The following WDR64 variants were observed in gnomAD, a reference collection of about 807,000 sequenced individuals.
The protein encoded by WDR64 is WD repeat domain 64.
Under a neutral mutation model 139.3 loss-of-function variants are expected in WDR64, and 112 were observed. That is an observed-to-expected ratio of 0.80 (90% CI 0.69 to 0.94). WDR64 has a LOEUF of 0.94. WDR64 is among the 40% of genes least tolerant of loss of function. The pLI, the probability that WDR64 is intolerant of heterozygous loss-of-function variation, is 0.00. For missense variants in WDR64, 1,206 were observed against 1,293.1 expected, an observed-to-expected ratio of 0.93 and a Z score of 1.03; for synonymous variants, 444 against 437.7, an observed-to-expected ratio of 1.01 and a Z score of -0.18.
chr1:241,787,312 C>T (rs1366157575), intron 23 of WDR64, among the ~76,000 whole-genome samples: 5 of 142,006 alleles, frequency 3.5e-5, no homozygotes, highest in Non-Finnish European at 6.0e-5. Context: ...TGCAGTGAGC[C>T]GAGATGGCAC....
At chr1:241,730,217 G>C (rs115433697) in intron 10 of WDR64, among the ~76,000 whole-genome samples, 1 of 152,150 alleles carries the variant, frequency 6.6e-6, no homozygotes, top group Non-Finnish European at 1.5e-5. Flanking sequence ...CATCACCCAG[G>C]ACAGCTCCTT....
rs79583349 is a variant in WDR64, at chr1:241,738,009, T to C, written c.1195-354T>C. 5.8e-3 allele frequency among the ~76,000 whole-genome samples: 876 copies of C among 152,282 alleles called. 6 individuals are homozygous for C. The highest frequency in any genetic ancestry group is 0.02 in the African/African-American group (840 of 41,556). On this transcript the variant is annotated intron_variant, in intron 10 of 27. Transcript: ENST00000437684. ...CTTCTCCCTATTTTCTCATCCATAA[T>C]ACAAAGAGAAATGTGACTTTAATTC...
At chr1:241,707,428 A>T (rs1014297193) in intron 8 of WDR64, among the ~76,000 whole-genome samples, 5 of 152,072 alleles carry the variant, frequency 3.3e-5, no homozygotes, top group Non-Finnish European at 7.4e-5. Context: ...TGAAAAACTA[A>T]TTTTTTTAGC....
At chr1:241,791,406 C>G (rs1659211435) in intron 25 of WDR64, among the ~76,000 whole-genome samples, 1 of 152,166 alleles carries the variant, frequency 6.6e-6, no homozygotes, top group South Asian at 2.1e-4. Flanking sequence ...GGCACAGTGG[C>G]CTGTAAACCC....
intron 6 of WDR64, 29 bp from the exon 7 acceptor site, chr1:241,683,458 A>T (rs769663899): frequency 1.3e-6 from 2 of 1,545,578 alleles, no homozygotes; most frequent in South Asian, 2.4e-5. Context: ...CAAAGTAATA[A>T]TTCATTAAAG....
chr1:241,680,982 T>C (rs1054464433), intron 6 of WDR64, among the ~76,000 whole-genome samples: 6 of 152,174 alleles, frequency 3.9e-5, no homozygotes, highest in Admixed American at 1.3e-4. Context: ...CAGATTTAAC[T>C]GGAAACCACA....
intron 13 of WDR64, 75 bp downstream of exon 13, chr1:241,744,591 T>G: frequency 6.3e-7 from 1 of 1,588,590 alleles, no homozygotes; most frequent in Non-Finnish European, 8.6e-7. Context: ...CTTTCGTTCT[T>G]TAGGGTAGAA....
Position 241,775,099 on chromosome 1 carries a change from A to G in WDR64, c.2431-6A>G, listed in dbSNP as rs1337092256. 6.5e-7 allele frequency: 1 copy of G among 1,548,470 alleles called. No individual in the cohort carries two copies. The highest frequency in any genetic ancestry group is 2.4e-5 in the East Asian group (1 of 40,838). On this transcript the variant is annotated splice_polypyrimidine_tract_variant and splice_region_variant and intron_variant, in intron 20 of 27. Coordinates refer to ENST00000437684, the MANE Select transcript of WDR64 (RefSeq NM_001367482.1). ...AAAAGTTTTATTTGCATTATACTTTATTTAGGGAAGACTACTGAAAGATAT... is the reference window on the plus strand; with the variant it reads ...AAAAGTTTTATTTGCATTATACTTTGTTTAGGGAAGACTACTGAAAGATAT...
At chr1:241,690,605 T>C (rs1326178153) in intron 8 of WDR64, among the ~76,000 whole-genome samples, 2 of 152,170 alleles carry the variant, frequency 1.3e-5, no homozygotes, top group African/African-American at 4.8e-5. Flanking sequence ...TTTAAAGTGT[T>C]AGAAGACCTA....
chr1:241,699,886 G>C (rs143682701), intron 8 of WDR64, among the ~76,000 whole-genome samples: 296 of 152,202 alleles, frequency 1.9e-3, no homozygotes, highest in Middle Eastern at 6.8e-3. Context: ...TAACCTGAAA[G>C]CTATCGGAAG....
intron 26 of WDR64, 117 bp from the exon 27 acceptor site, chr1:241,796,140 A>AG (rs973034273): frequency 3.4e-5 from 17 of 506,198 alleles, no homozygotes; most frequent in African/African-American, 1.8e-4. Flanking sequence ...ACTGGGAAGA[A>AG]GGGGGGTGTG....
At chr1:241,657,456 C>T (rs767577586) in intron 1 of WDR64, among the ~76,000 whole-genome samples, 6 of 152,192 alleles carry the variant, frequency 3.9e-5, no homozygotes, top group Non-Finnish European at 8.8e-5. Context: ...CCTGGTCTCA[C>T]CTCACAGCAT....
intron 8 of WDR64, among the ~76,000 whole-genome samples, chr1:241,701,667 T>A (rs1405182447): frequency 2.2e-5 from 2 of 91,752 alleles, no homozygotes; most frequent in South Asian, 8.9e-4. Context: ...CAAACAGTGG[T>A]CATTGATCTG....
intron 25 of WDR64, among the ~76,000 whole-genome samples, 200 bp downstream of exon 25, chr1:241,790,896 C>A (rs1366689697): frequency 6.6e-6 from 1 of 152,116 alleles, no homozygotes; most frequent in East Asian, 1.9e-4. Context: ...TACATGGGGG[C>A]TATACTGAGG....
intron 14 of WDR64, among the ~76,000 whole-genome samples, chr1:241,750,333 A>G (rs1291913833): frequency 1.3e-5 from 2 of 152,196 alleles, no homozygotes; most frequent in Non-Finnish European, 2.9e-5. Context: ...CTCGAACTCA[A>G]GAACTCATTG....
At chr1:241,738,587 T>G (rs1035018416) in intron 11 of WDR64, 98 bp downstream of exon 11, 10 of 1,237,886 alleles carry the variant, frequency 8.1e-6, no homozygotes, top group Non-Finnish European at 9.8e-6. Context: ...AAAACAAAAC[T>G]AGAAGGGTAA....
intron 21 of WDR64, among the ~76,000 whole-genome samples, chr1:241,777,193 T>G (rs1277442369): frequency 3.3e-5 from 5 of 152,134 alleles, no homozygotes; most frequent in African/African-American, 1.2e-4. Context: ...CTCCTGCAAG[T>G]GATCCTTCCA....
intron 14 of WDR64, among the ~76,000 whole-genome samples, chr1:241,755,123 C>G (rs1670133880): frequency 6.6e-6 from 1 of 152,200 alleles, no homozygotes; most frequent in Non-Finnish European, 1.5e-5. Flanking sequence ...ATTTCTGGTT[C>G]TAGATCCCTG....
At chr1:241,771,600 A>G in intron 18 of WDR64, 61 bp from the exon 19 acceptor site, 2 of 1,250,554 alleles carry the variant, frequency 1.6e-6, no homozygotes, top group Non-Finnish European at 2.2e-6. Flanking sequence ...TTAATCACCC[A>G]GTATATCTCA....
Sources: allele counts gnomAD v4.1 joint callset (sites outside exome capture counted in the v4.1 genomes callset), GRCh38; gene constraint gnomAD v4.1.1; transcripts MANE v1.5; gene names NCBI Gene and HGNC (gene_info 2026-07-23, HGNC 2026-07-21).